The following ARHGAP35 variants were observed in gnomAD, a reference collection of about 807,000 sequenced individuals.
ARHGAP35 encodes the protein rho GTPase-activating protein 35.
ARHGAP35 carries 15 observed loss-of-function variants against 111.1 expected under a neutral mutation model. The observed-to-expected ratio is 0.13, with a 90% CI of 0.09 to 0.21. ARHGAP35 has a LOEUF of 0.21. Ranked by LOEUF, ARHGAP35 falls within the 10% of genes least tolerant of loss-of-function variation. The probability of loss-of-function intolerance (pLI) is 1.00; values close to 1 mark genes in which losing one functional copy is unlikely to be tolerated. For synonymous variants in ARHGAP35, 643 were observed against 710.3 expected (o/e 0.91, Z 1.51); for missense variants, 1,262 against 1,873.0 (o/e 0.67, Z 6.02).
At chr19:46,898,513 T>C (rs2056068793) in intron 1 of ARHGAP35, among the ~76,000 whole-genome samples, 1 of 152,196 alleles carries the variant, frequency 6.6e-6, no homozygotes, top group South Asian at 2.1e-4. Flanking sequence ...TCCTCATTCC[T>C]TTGTCATTTT....
chr19:46,913,227 T>C (rs2056147123), intron 1 of ARHGAP35, among the ~76,000 whole-genome samples: 1 of 149,422 alleles, frequency 6.7e-6, no homozygotes, highest in East Asian at 2.0e-4. Context: ...AAACATTTCC[T>C]ACTTCGGGGA....
chr19:46,887,340 A>G (rs1323563174), intron 1 of ARHGAP35, among the ~76,000 whole-genome samples: 1 of 152,214 alleles, frequency 6.6e-6, no homozygotes, highest in African/African-American at 2.4e-5. Flanking sequence ...CAGAAAAGGC[A>G]ATAAATAGAA....
chr19:46,866,890 A>G (rs2055860713), intron 1 of ARHGAP35, among the ~76,000 whole-genome samples: 1 of 152,250 alleles, frequency 6.6e-6, no homozygotes, highest in Non-Finnish European at 1.5e-5. Context: ...TAAAAACGAT[A>G]TGGAATTTTT....
At chr19:46,950,308 C>A (rs2056404194) in intron 3 of ARHGAP35, among the ~76,000 whole-genome samples, 1 of 152,170 alleles carries the variant, frequency 6.6e-6, no homozygotes, top group African/African-American at 2.4e-5. Flanking sequence ...TCCACAATTT[C>A]TTTCTTTCTT....
intron 3 of ARHGAP35, among the ~76,000 whole-genome samples, chr19:46,950,935 G>T (rs1292404528): frequency 6.6e-6 from 1 of 152,234 alleles, no homozygotes; most frequent in Non-Finnish European, 1.5e-5. Flanking sequence ...GAAAGGTTCA[G>T]CCTTGTGGGC....
rs2055823522 is a variant in ARHGAP35, at chr19:46,861,099, CGCCGCCGCCTCA to C, written c.-290_-279del. 6.6e-6 allele frequency among the ~76,000 whole-genome samples: 1 copy of C among 151,404 alleles called. No individual in the cohort carries two copies. Among genetic ancestry groups the C allele is most frequent in the East Asian group, 1.9e-4 (1 of 5,130 alleles). ...CCCGGCCCCCCGCCGCCGGAGCCGC[CGCCGCCGCCTCA>C]GCCGCCGCTGGACTAGGAGCAGGGG... On this transcript the variant is annotated 5_prime_UTR_variant, in exon 1 of 7. Transcript: ENST00000672722.
intron 5 of ARHGAP35, among the ~76,000 whole-genome samples, chr19:46,997,003 C>T (rs573046648): frequency 1.3e-5 from 2 of 152,148 alleles, no homozygotes; most frequent in Admixed American, 6.5e-5. Context: ...AGTAAAAATA[C>T]AAAAATTAGC....
intron 3 of ARHGAP35, among the ~76,000 whole-genome samples, chr19:46,962,540 A>T (rs1371665635): frequency 1.4e-4 from 22 of 152,258 alleles, no homozygotes; most frequent in Non-Finnish European, 2.9e-5. Context: ...CCCAGGCAGT[A>T]GACAAGGGTG....
In ARHGAP35 at chr19:46,918,369, A is replaced by G. The variant is rs1342081617; in HGVS notation, c.-188-119A>G. On this transcript the variant is annotated intron_variant, in intron 1 of 6. Transcript: ENST00000672722. This position sits in a 1 kb window ranked among gnomAD's most constrained non-coding sequence, Gnocchi z 5.4. ...CTTCACCCAGCACAAGGCCTGACACATGAGATGTTTACTAAATATTTGTTG... is the reference window on the plus strand; with the variant it reads ...CTTCACCCAGCACAAGGCCTGACACGTGAGATGTTTACTAAATATTTGTTG... 6.6e-6 allele frequency among the ~76,000 whole-genome samples: 1 copy of G among 152,188 alleles called. No homozygotes were observed. The highest frequency in any genetic ancestry group is 1.9e-4 in the East Asian group (1 of 5,202).
rs189751363 is a variant in ARHGAP35, at chr19:46,956,241, C to T, written c.3826+18833C>T. On this transcript the variant is annotated intron_variant, in intron 3 of 6. Transcript: ENST00000672722. ...GCTAAGGTGAGAGAATCACTTGAGC[C>T]TGGGAGGCAGAGGCCACAGTAAGCT... 3.0e-4 allele frequency among the ~76,000 whole-genome samples: 46 copies of T among 152,226 alleles called. 1 individual carries two copies. Among genetic ancestry groups the T allele is most frequent in the Admixed American group, 3.0e-3 (46 of 15,302 alleles).
At chr19:46,872,277 A>G (rs2055891692) in intron 1 of ARHGAP35, among the ~76,000 whole-genome samples, 1 of 152,170 alleles carries the variant, frequency 6.6e-6, no homozygotes, top group Non-Finnish European at 1.5e-5. Flanking sequence ...TAAAATATAT[A>G]TGTGAAAAAG....
In ARHGAP35 at chr19:46,987,879, G is replaced by T. The variant is rs565685830; in HGVS notation, c.3827-110G>T. ...GTGCTGAGGCCTGCTCCTCTCTTGT[G>T]GTGGGCACCTCATGGACTTTCCCTG... On this transcript the variant is annotated intron_variant, in intron 3 of 6. Transcript: ENST00000672722. The T allele has an allele frequency of 1.1e-4, 103 of 975,544 alleles. 4 individuals carry two copies. The highest frequency in any genetic ancestry group is 8.6e-4 in the South Asian group (60 of 69,422). The allele number at this position is 975,544 out of a possible 1,614,324, so 60.4% of individuals were successfully genotyped here. A position where few individuals can be genotyped will look rare whatever the true frequency, so the allele number is the denominator to read the frequency against.
rs571852344 is a variant in ARHGAP35, at chr19:46,869,430, A to C, written c.-189+8221A>C. Among the ~76,000 whole-genome samples, 123 of 151,946 alleles carry C rather than the reference A, an allele frequency of 8.1e-4. 1 individual carries two copies. Among genetic ancestry groups the C allele is most frequent in the African/African-American group, 2.7e-3 (111 of 41,448 alleles). ...CAGTGAGCCATGATCGCATCACTGCAGTCCTGCCTGGGTGATGGAGTGAGA... is the reference window on the plus strand; with the variant it reads ...CAGTGAGCCATGATCGCATCACTGCCGTCCTGCCTGGGTGATGGAGTGAGA... On this transcript the variant is annotated intron_variant, in intron 1 of 6. Transcript: ENST00000672722.
intron 3 of ARHGAP35, among the ~76,000 whole-genome samples, chr19:46,985,629 C>T (rs557886553): frequency 6.6e-6 from 1 of 152,284 alleles, no homozygotes; most frequent in South Asian, 2.1e-4. Flanking sequence ...ATTTAATAAA[C>T]AAGCAAATGG....
chr19:46,914,894 C>T (rs149976933), intron 1 of ARHGAP35, among the ~76,000 whole-genome samples: 1,819 of 152,212 alleles, frequency 0.012, 39 homozygotes, highest in Middle Eastern at 0.014. Flanking sequence ...GATGACTTGC[C>T]AATTGCATGC....
Position 47,000,940 on chromosome 19 carries a change from A to T in ARHGAP35, c.*252A>T, listed in dbSNP as rs766078814. 9 of 1,524,600 alleles carry T rather than the reference A, an allele frequency of 5.9e-6. No homozygotes were observed. The African/African-American group carries it at 1.2e-4, about 21-fold the overall frequency. The allele number at this position is 1,524,600 out of a possible 1,614,324, so 94.4% of individuals were successfully genotyped here. On this transcript the variant is annotated 3_prime_UTR_variant, in exon 7 of 7. Coordinates refer to ENST00000672722, the MANE Select transcript of ARHGAP35 (RefSeq NM_004491.5). This position sits in a 1 kb window ranked among gnomAD's most constrained non-coding sequence, Gnocchi z 6.9. ...ACTGAACTAGGCAGGCAATGGCTCC[A>T]GTGCCCTCCCTCTGTTCCCTGGACC...
chr19:46,939,479 G>T (rs1168742617), intron 3 of ARHGAP35, among the ~76,000 whole-genome samples: 1 of 151,794 alleles, frequency 6.6e-6, no homozygotes, highest in African/African-American at 2.4e-5. Context: ...GCACGATCTA[G>T]ACTCACTGCA....
In ARHGAP35 at chr19:47,000,630, C is replaced by T. The variant is rs2122368222; in HGVS notation, c.4442C>T (p.Pro1481Leu). ...PSPPQSPPPT[P>L]QSPMQPLLPS... ...CCCCCACAGTCGCCTCCACCCACCC[C>T]CCAGTCCCCAATGCAGCCACTGCTT... Residue 1481 changes from proline to leucine, a missense_variant, in exon 7 of 7, where the codon CCC becomes CTC. Pro to Leu is a moderately conservative substitution (Grantham distance 98). Transcript: ENST00000672722. The surrounding 1 kb of genome is among the most constrained non-coding windows in gnomAD (Gnocchi z 6.9). 1.9e-6 allele frequency: 3 copies of T among 1,609,654 alleles called. No individual in the cohort carries two copies. The highest frequency in any genetic ancestry group is 1.7e-4 in the Middle Eastern group (1 of 6,030).
At chr19:46,874,918 T>C (rs932006324) in intron 1 of ARHGAP35, among the ~76,000 whole-genome samples, 2 of 150,396 alleles carry the variant, frequency 1.3e-5, no homozygotes, top group Admixed American at 1.3e-4. Flanking sequence ...TTCAAGCGGT[T>C]CTCCTGCCTC....
Sources: gnomAD v4.1 joint callset for allele counts (sites outside exome capture counted in the v4.1 genomes callset) on GRCh38, gnomAD v4.1.1 for gene constraint, Gnocchi (gnomAD v3.1) non-coding constraint, MANE v1.5 for transcripts, NCBI Gene and HGNC (gene_info 2026-07-23, HGNC 2026-07-21) for gene names.